RBFOX3: variants seen among roughly 807,000 people sequenced by gnomAD.
The protein encoded by RBFOX3 is RNA binding protein fox-1 homolog 3.
A neutral mutation model predicts 48.7 loss-of-function variants in RBFOX3; 17 were observed. The ratio of observed to expected loss-of-function variants is 0.35; its 90% confidence interval spans 0.24 to 0.52. The LOEUF (loss-of-function observed/expected upper bound fraction) is 0.52, where lower values mean the gene tolerates loss of function less well. RBFOX3 is among the 20% of genes least tolerant of loss of function. The pLI, the probability that RBFOX3 is intolerant of heterozygous loss-of-function variation, is 0.94. For missense variants in RBFOX3, 382 were observed against 497.5 expected (o/e 0.77, Z 2.21); for synonymous variants, 212 against 209.5 (o/e 1.01, Z -0.10).
At chr17:79,547,540 A>G (rs1228951698) in intron 1 of RBFOX3, among the ~76,000 whole-genome samples, 1 of 152,182 alleles carries the variant, frequency 6.6e-6, no homozygotes, top group African/African-American at 2.4e-5. Flanking sequence ...AAATCCCCAG[A>G]CAAGCCCTCC....
chr17:79,455,038 T>C (rs985890835), intron 2 of RBFOX3, among the ~76,000 whole-genome samples: 18 of 151,914 alleles, frequency 1.2e-4, no homozygotes, highest in African/African-American at 3.9e-4. Flanking sequence ...TTATGGGGTG[T>C]GCACAGGCCC....
chr17:79,281,844 C>T (rs1022283199), intron 3 of RBFOX3, among the ~76,000 whole-genome samples: 6 of 152,170 alleles, frequency 3.9e-5, no homozygotes, highest in South Asian at 4.1e-4. Context: ...CAAGCTCACC[C>T]GTCCTGGCAT....
At chr17:79,264,194 G>A (rs951548755) in intron 3 of RBFOX3, among the ~76,000 whole-genome samples, 4 of 151,598 alleles carry the variant, frequency 2.6e-5, no homozygotes, top group Admixed American at 2.0e-4. Context: ...TCATCCCTCG[G>A]CCTCCCAAGT....
At chr17:79,188,111 G>A (rs2053783296) in intron 4 of RBFOX3, among the ~76,000 whole-genome samples, 1 of 152,240 alleles carries the variant, frequency 6.6e-6, no homozygotes, top group Non-Finnish European at 1.5e-5. Context: ...TGAGCCGTCG[G>A]TGCAGCCCTG....
the RBFOX3 span, among the ~76,000 whole-genome samples, chr17:79,664,823 A>G: frequency 1.1e-4 from 16 of 152,290 alleles, no homozygotes; most frequent in Non-Finnish European, 1.9e-4. Context: ...TCCTCTGTCC[A>G]CAAGGAGGGA....
intron 4 of RBFOX3, among the ~76,000 whole-genome samples, chr17:79,191,718 G>GGGAC: frequency 6.6e-6 from 1 of 152,306 alleles, no homozygotes; most frequent in Middle Eastern, 3.4e-3. Flanking sequence ...CAAGGGAGTG[G>GGGAC]GGACGAGCAT....
chr17:79,469,306 G>A (rs2076766742), intron 2 of RBFOX3, among the ~76,000 whole-genome samples: 1 of 152,218 alleles, frequency 6.6e-6, no homozygotes, highest in African/African-American at 2.4e-5. Context: ...GCGGGCTCAA[G>A]TCCAGGTCTG....
intron 2 of RBFOX3, among the ~76,000 whole-genome samples, chr17:79,330,147 G>A (rs2080010115): frequency 6.6e-6 from 1 of 152,168 alleles, no homozygotes; most frequent in Non-Finnish European, 1.5e-5. Context: ...GCGTGTACCT[G>A]CGTGTCTTCA....
At chr17:79,222,499 G>A (rs963610908) in intron 4 of RBFOX3, among the ~76,000 whole-genome samples, 1 of 152,238 alleles carries the variant, frequency 6.6e-6, no homozygotes, top group Non-Finnish European at 1.5e-5. Context: ...GGGACTCTGA[G>A]TTGGCACAAG....
Position 79,096,634 on chromosome 17 carries a change from C to T in RBFOX3, c.936+19G>A. On this transcript the variant is annotated intron_variant, in intron 12 of 14. Coordinates refer to ENST00000693108, the MANE Select transcript of RBFOX3 (RefSeq NM_001350451.2). ...AGAACGCCTGATCCCACCCTCCCTC[C>T]CGGCGGGGCTACACTTACATAAATC... 2.0e-6 allele frequency: 3 copies of T among 1,533,472 alleles called. No individual in the cohort carries two copies. Among genetic ancestry groups the T allele is most frequent in the Non-Finnish European group, 2.7e-6 (3 of 1,131,170 alleles). 95.0% of individuals were successfully genotyped at this position (1,533,472 alleles called of 1,614,324 possible).
chr17:79,337,819 T>C (rs1013732536), intron 2 of RBFOX3, among the ~76,000 whole-genome samples: 3 of 152,102 alleles, frequency 2.0e-5, no homozygotes, highest in African/African-American at 4.8e-5. Context: ...TTACTATATA[T>C]ATGTCACATA....
At chr17:79,417,003 C>A (rs1773093342) in intron 2 of RBFOX3, among the ~76,000 whole-genome samples, 1 of 152,218 alleles carries the variant, frequency 6.6e-6, no homozygotes, top group Non-Finnish European at 1.5e-5. Context: ...TGGTTTGCAG[C>A]AGGGTTCGCA....
chr17:79,413,728 C>T (rs888162056), intron 2 of RBFOX3, among the ~76,000 whole-genome samples: 6 of 152,304 alleles, frequency 3.9e-5, no homozygotes, highest in African/African-American at 9.6e-5. Flanking sequence ...CAGCAGGCCG[C>T]GAGCCCACAG....
At chr17:79,407,034 A>C (rs1264588060) in intron 2 of RBFOX3, among the ~76,000 whole-genome samples, 1 of 152,140 alleles carries the variant, frequency 6.6e-6, no homozygotes, top group East Asian at 1.9e-4. Context: ...TTTGAGATGA[A>C]GTTTCGCTCT....
intron 3 of RBFOX3, among the ~76,000 whole-genome samples, chr17:79,296,807 C>T (rs1175434508): frequency 3.5e-5 from 5 of 144,424 alleles, no homozygotes; most frequent in South Asian, 4.7e-4. Context: ...TCTTTTCCTC[C>T]TCCCCACTTC....
At chr17:79,388,884 T>A (rs973936220) in intron 2 of RBFOX3, among the ~76,000 whole-genome samples, 17 of 152,156 alleles carry the variant, frequency 1.1e-4, no homozygotes, top group Admixed American at 2.0e-4. Flanking sequence ...CCGATCACCA[T>A]CCTCTCCCAG....
intron 2 of RBFOX3, among the ~76,000 whole-genome samples, chr17:79,349,432 TC>T (rs1162762118): frequency 6.6e-6 from 1 of 151,830 alleles, no homozygotes; most frequent in Non-Finnish European, 1.5e-5. Context: ...CCTCTCACTC[TC>T]CTCCTCACTT....
At chr17:79,595,878 A>G (rs2093556718) in intron 1 of RBFOX3, among the ~76,000 whole-genome samples, 2 of 152,382 alleles carry the variant, frequency 1.3e-5, no homozygotes, top group African/African-American at 4.8e-5. Context: ...TTCATCTGCC[A>G]TCTTGAATTA....
intron 2 of RBFOX3, among the ~76,000 whole-genome samples, chr17:79,322,921 C>T (rs933583877): frequency 6.6e-6 from 1 of 152,194 alleles, no homozygotes; most frequent in Non-Finnish European, 1.5e-5. Context: ...CCCAGACAAG[C>T]GTATTGGATT....
Sources: allele counts gnomAD v4.1 joint callset (sites outside exome capture counted in the v4.1 genomes callset), GRCh38; gene constraint gnomAD v4.1.1; transcripts MANE v1.5; gene names NCBI Gene and HGNC (gene_info 2026-07-23, HGNC 2026-07-21).